Variants in PRSS38 observed in about 807,000 individuals in gnomAD.
The protein encoded by PRSS38 is marapsin 2.
In PRSS38, 22 loss-of-function variants were observed where a neutral mutation model predicts 26.8. The ratio of observed to expected loss-of-function variants is 0.82; its 90% CI spans 0.59 to 1.17. PRSS38 has a LOEUF of 1.17. PRSS38 is among the 50% of genes most tolerant of loss of function. PRSS38 has a pLI of 0.00. For missense variants in PRSS38, 427 were observed against 422.7 expected (o/e 1.01, Z -0.09); for synonymous variants, 175 against 172.1 (o/e 1.02, Z -0.13).
intron 3 of PRSS38, among the ~76,000 whole-genome samples, chr1:227,820,799 A>G (rs1382597387): frequency 6.6e-6 from 1 of 152,118 alleles, no homozygotes; most frequent in Non-Finnish European, 1.5e-5. Flanking sequence ...AGATTGATTA[A>G]TTCTTCTTTA....
intron 3 of PRSS38, among the ~76,000 whole-genome samples, chr1:227,831,349 T>G (rs1031327217): frequency 2.0e-5 from 3 of 152,230 alleles, no homozygotes; most frequent in Non-Finnish European, 4.4e-5. Flanking sequence ...AATTTTAACT[T>G]TAATGCCCTT....
At chr1:227,822,153 C>T (rs1424350978) in intron 3 of PRSS38, among the ~76,000 whole-genome samples, 1 of 152,060 alleles carries the variant, frequency 6.6e-6, no homozygotes, top group Non-Finnish European at 1.5e-5. Flanking sequence ...CATTATTTGC[C>T]ATTTTAATGC....
At chr1:227,839,213 A>C (rs1173136052) in intron 3 of PRSS38, among the ~76,000 whole-genome samples, 1 of 152,152 alleles carries the variant, frequency 6.6e-6, no homozygotes, top group Non-Finnish European at 1.5e-5. Flanking sequence ...TAATCCCAGC[A>C]ATTTGTGAGG....
At chr1:227,842,940 C>T (rs868456551) in intron 3 of PRSS38, among the ~76,000 whole-genome samples, 2 of 152,140 alleles carry the variant, frequency 1.3e-5, no homozygotes, top group South Asian at 2.1e-4. Flanking sequence ...TCCATGGATT[C>T]CCAGGCCTTT....
chr1:227,837,997 C>T (rs1482351273), intron 3 of PRSS38, among the ~76,000 whole-genome samples: 4 of 152,056 alleles, frequency 2.6e-5, no homozygotes, highest in African/African-American at 7.2e-5. Context: ...CTCAAGCGTT[C>T]CTCCCACCTC....
intron 3 of PRSS38, among the ~76,000 whole-genome samples, chr1:227,827,976 C>T (rs1665099576): frequency 6.6e-6 from 1 of 152,174 alleles, no homozygotes; most frequent in East Asian, 1.9e-4. Flanking sequence ...GCAGGTTGTT[C>T]AATTTCCATG....
chr1:227,846,324 A>AT (rs1665430809), exon 5 of PRSS38: 1 of 1,329,316 alleles, frequency 7.5e-7, no homozygotes, highest in African/African-American at 1.5e-5. Flanking sequence ...AGGGCCACCT[A>AT]TCCCGGGGGT....
At chr1:227,827,754 G>T (rs1324102039) in intron 3 of PRSS38, among the ~76,000 whole-genome samples, 1 of 151,478 alleles carries the variant, frequency 6.6e-6, no homozygotes, top group East Asian at 1.9e-4. Context: ...TTTTGCTCTT[G>T]GTTCTCTAGT....
intron 3 of PRSS38, among the ~76,000 whole-genome samples, chr1:227,821,042 T>C (rs893264190): frequency 1.3e-5 from 2 of 152,236 alleles, no homozygotes; most frequent in African/African-American, 4.8e-5. Flanking sequence ...TGTGCATTTG[T>C]TTTTTGAATC....
At chr1:227,826,471 T>C (rs1665076174) in intron 3 of PRSS38, among the ~76,000 whole-genome samples, 1 of 152,154 alleles carries the variant, frequency 6.6e-6, no homozygotes. Context: ...CCCAACACTT[T>C]GGGAGGTTGA....
intron 3 of PRSS38, among the ~76,000 whole-genome samples, chr1:227,834,284 C>T (rs1665205129): frequency 6.6e-6 from 1 of 152,152 alleles, no homozygotes; most frequent in South Asian, 2.1e-4. Context: ...TTTGTGACAG[C>T]AGCCCTAGGA....
At chr1:227,843,707 T>TA (rs901847049) in intron 3 of PRSS38, among the ~76,000 whole-genome samples, 48 of 136,988 alleles carry the variant, frequency 3.5e-4, no homozygotes, top group Admixed American at 6.7e-4. Flanking sequence ...AACTCCATCT[T>TA]AAAAAAAAAA....
At chr1:227,846,397 G>A (rs2102688698) in exon 5 of PRSS38, 1 of 706,848 alleles carries the variant, frequency 1.4e-6, no homozygotes, top group Admixed American at 2.9e-5. Context: ...GGGGAGAGGG[G>A]CTGGTCAGGG....
chr1:227,838,432 T>C (rs1665269716), intron 3 of PRSS38, among the ~76,000 whole-genome samples: 2 of 152,196 alleles, frequency 1.3e-5, no homozygotes. Context: ...CGTTGTAGTC[T>C]AGTGGTCAGA....
At chr1:227,846,177 T>C in exon 5 of PRSS38, 1 of 1,612,324 alleles carries the variant, frequency 6.2e-7, no homozygotes, top group East Asian at 2.2e-5. Flanking sequence ...AGCGTCCTAA[T>C]GGCCATGCTG....
At chr1:227,826,432 G>A (rs1665074948) in intron 3 of PRSS38, among the ~76,000 whole-genome samples, 1 of 152,202 alleles carries the variant, frequency 6.6e-6, no homozygotes, top group Non-Finnish European at 1.5e-5. Flanking sequence ...GAAGTGGTGA[G>A]GCCAAGTGCG....
exon 4 of PRSS38, chr1:227,845,473 A>C (rs1410608511): frequency 5.0e-6 from 8 of 1,609,642 alleles, no homozygotes; most frequent in African/African-American, 1.3e-5. Flanking sequence ...CCCACAGGTG[A>C]GACCTCAGAC....
chr1:227,842,347 G>A (rs1226041574), intron 3 of PRSS38, among the ~76,000 whole-genome samples: 1 of 152,080 alleles, frequency 6.6e-6, no homozygotes, highest in African/African-American at 2.4e-5. Flanking sequence ...CATTTCATAT[G>A]TCTGGTGTCT....
intron 3 of PRSS38, among the ~76,000 whole-genome samples, chr1:227,818,870 C>T (rs1175878920): frequency 1.3e-5 from 2 of 151,916 alleles, no homozygotes; most frequent in Admixed American, 6.6e-5. Context: ...TTTGATGTGG[C>T]CATAAAACAC....
Sources: gnomAD v4.1 joint callset for allele counts (sites outside exome capture counted in the v4.1 genomes callset) on GRCh38, gnomAD v4.1.1 for gene constraint, MANE v1.5 for transcripts, NCBI Gene and HGNC (gene_info 2026-07-23, HGNC 2026-07-21) for gene names.